LITAF: variants seen among roughly 807,000 people sequenced by gnomAD.
The protein encoded by LITAF is lipopolysaccharide induced TNF factor.
Under a neutral mutation model 14.5 loss-of-function variants are expected in LITAF, and 9 were observed. The observed-to-expected ratio is 0.62, with a 90% CI of 0.37 to 1.08. The LOEUF is 1.08. Ranked by LOEUF, LITAF falls within the 50% of genes least tolerant of loss-of-function variation. LITAF has a pLI of 0.01. For missense variants in LITAF, 206 were observed against 213.4 expected (o/e 0.97, Z 0.22); for synonymous variants, 98 against 88.2 (o/e 1.11, Z -0.62).
rs370026961 is a variant in LITAF at position 11,553,360 on chromosome 16, G to A, written c.377+173C>T. 161 of 684,058 alleles carry A rather than the reference G, an allele frequency of 2.4e-4. No homozygotes were observed. Among genetic ancestry groups the A allele is most frequent in the African/African-American group, 2.3e-3 (127 of 56,306 alleles). The allele number at this position is 684,058 out of a possible 1,614,324, so 42.4% of individuals were successfully genotyped here. ...TGAGCAGTGGGGGTTACAGTGAGCC[G>A]AGATCGCCCCACTGTACTCCAGCCT... On this transcript the variant is annotated intron_variant, in intron 3 of 3. Coordinates refer to ENST00000622633, the MANE Select transcript of LITAF (RefSeq NM_001136472.2). The surrounding 1 kb of genome is among the most constrained non-coding windows in gnomAD (Gnocchi z 7.7).
At chr16:11,584,981 G>T (rs542534135) in intron 1 of LITAF, among the ~76,000 whole-genome samples, 1 of 152,192 alleles carries the variant, frequency 6.6e-6, no homozygotes, top group South Asian at 2.1e-4. Context: ...GCCAAGGCAG[G>T]TGGATCACTA....
chr16:11,563,156 T>C (rs1342924099), intron 1 of LITAF, among the ~76,000 whole-genome samples: 1 of 61,684 alleles, frequency 1.6e-5, no homozygotes, highest in Non-Finnish European at 3.8e-5. Flanking sequence ...ATAATAATAA[T>C]TTTTTTTTTT....
Position 11,579,320 on chromosome 16 carries a change from G to A in LITAF, c.-6+7566C>T, listed in dbSNP as rs575927213. On this transcript the variant is annotated intron_variant, in intron 1 of 3. Coordinates refer to ENST00000622633, the MANE Select transcript of LITAF (RefSeq NM_001136472.2). ...CAAAAAATTAGCCGGGCGCGGTGGCGGGCGCCTGTAGTCCCAGCTACTCGG... is the reference window on the plus strand; with the variant it reads ...CAAAAAATTAGCCGGGCGCGGTGGCAGGCGCCTGTAGTCCCAGCTACTCGG... Among the ~76,000 whole-genome samples, 515 of 151,336 alleles carry A rather than the reference G, an allele frequency of 3.4e-3. 2 individuals carry two copies. The highest frequency in any genetic ancestry group is 0.01 in the African/African-American group (413 of 41,244).
intron 3 of LITAF, among the ~76,000 whole-genome samples, chr16:11,618,850 G>A (rs2065032755): frequency 6.6e-6 from 1 of 152,032 alleles, no homozygotes; most frequent in Non-Finnish European, 1.5e-5. Flanking sequence ...GGGCGTGGTG[G>A]TGGGTGCCTG....
Position 11,548,742 on chromosome 16 carries a change from A to C in LITAF, c.*895T>G, listed in dbSNP as rs1180674584. ...TGCAATCCCAGCACTTCGGGAGGCC[A>C]AGGCAGAAGGATCGCTTGAGCCCAG... On this transcript the variant is annotated 3_prime_UTR_variant, in exon 4 of 4. Transcript: ENST00000622633. 3 of 453,530 alleles carry C rather than the reference A, an allele frequency of 6.6e-6. No homozygotes were observed. The highest frequency in any genetic ancestry group is 2.0e-5 in the African/African-American group (1 of 49,984). The allele number at this position is 453,530 out of a possible 1,614,324, so 28.1% of individuals were successfully genotyped here.
chr16:11,578,957 G>A (rs1313001454), intron 1 of LITAF, among the ~76,000 whole-genome samples: 2 of 152,238 alleles, frequency 1.3e-5, no homozygotes. Flanking sequence ...GGGAGGCCGA[G>A]GCGGGTGGGT....
intron 3 of LITAF, among the ~76,000 whole-genome samples, chr16:11,619,839 T>C (rs980204971): frequency 2.6e-5 from 4 of 151,828 alleles, no homozygotes; most frequent in Admixed American, 1.3e-4. Context: ...TCTGATATAG[T>C]TTGAATATTT....
intron 1 of LITAF, among the ~76,000 whole-genome samples, chr16:11,593,990 A>G (rs755414406): frequency 1.3e-5 from 2 of 152,102 alleles, no homozygotes; most frequent in Non-Finnish European, 2.9e-5. Flanking sequence ...CAGCCTGGGT[A>G]CCATGGTGAA....
intron 3 of LITAF, among the ~76,000 whole-genome samples, chr16:11,621,330 C>G (rs1426814164): frequency 3.3e-5 from 5 of 152,190 alleles, no homozygotes; most frequent in African/African-American, 1.2e-4. Flanking sequence ...TCCCAAAGTG[C>G]TGGGATTATA....
In LITAF at chr16:11,586,589, G is replaced by T. The variant is rs548959375; in HGVS notation, c.-6+297C>A. Among the ~76,000 whole-genome samples, 7 of 151,850 alleles carry T rather than the reference G, an allele frequency of 4.6e-5. No homozygotes were observed. Among genetic ancestry groups the T allele is most frequent in the African/African-American group, 1.4e-4 (6 of 41,498 alleles). On this transcript the variant is annotated intron_variant, in intron 1 of 3. Transcript: ENST00000622633. This position sits in a 1 kb window ranked among gnomAD's most constrained non-coding sequence, Gnocchi z 6.5. The stretch of plus-strand genomic sequence containing the variant: ...ACGCGGCGGGCCGCGAAGGGCGCTC[G>T]TTCGGGTGGGGGCCGGACGACCCCG...
At chr16:11,599,395 G>A (rs574842938), upstream of LITAF, among the ~76,000 whole-genome samples, 9 of 152,244 alleles carry the variant, frequency 5.9e-5, no homozygotes, top group African/African-American at 2.2e-4. Flanking sequence ...TAGGATTATA[G>A]GTATGAGTCT....
At chr16:11,598,560 G>A (rs1032249091), upstream of LITAF, 49 of 152,222 alleles carry the variant, frequency 3.2e-4, no homozygotes, top group African/African-American at 1.1e-3. Flanking sequence ...GAAGCCACAG[G>A]TTGCTCAACC....
At chr16:11,591,686 G>C (rs1056310367), upstream of LITAF, among the ~76,000 whole-genome samples, 6 of 152,228 alleles carry the variant, frequency 3.9e-5, no homozygotes, top group Admixed American at 3.3e-4. Context: ...CGTCACCCAG[G>C]TTGGAGCGCA....
At chr16:11,613,212 G>C (rs2064993657) in intron 3 of LITAF, among the ~76,000 whole-genome samples, 1 of 152,034 alleles carries the variant, frequency 6.6e-6, no homozygotes, top group Non-Finnish European at 1.5e-5. Context: ...GCTAGTTTTT[G>C]TATTTTTAGT....
upstream of LITAF, among the ~76,000 whole-genome samples, chr16:11,599,537 T>G (rs2064914644): frequency 6.6e-6 from 1 of 152,156 alleles, no homozygotes; most frequent in Admixed American, 6.6e-5. Flanking sequence ...TTTGATCTGT[T>G]TGCTGTAGCC....
chr16:11,572,303 T>A (rs2064555948), intron 1 of LITAF, among the ~76,000 whole-genome samples: 1 of 151,244 alleles, frequency 6.6e-6, no homozygotes. Flanking sequence ...CTCAAACGCA[T>A]CAAGCTGACC....
intron 1 of LITAF, among the ~76,000 whole-genome samples, chr16:11,578,466 G>A (rs1048617330): frequency 6.6e-6 from 1 of 152,180 alleles, no homozygotes; most frequent in African/African-American, 2.4e-5. Flanking sequence ...AGGAGGCAGA[G>A]GTTGCAGCGA....
chr16:11,639,009 G>T (rs967042733), upstream of LITAF, among the ~76,000 whole-genome samples: 1 of 152,106 alleles, frequency 6.6e-6, no homozygotes, highest in Non-Finnish European at 1.5e-5. Context: ...CATCCAAAAA[G>T]TAAGATGTGT....
chr16:11,587,307 T>TC (rs1367326066), upstream of LITAF: 1 of 412,472 alleles, frequency 2.4e-6, no homozygotes, highest in African/African-American at 2.1e-5. Flanking sequence ...CCCGCGCCGC[T>TC]CCACCACTTC....
Sources: allele counts gnomAD v4.1 joint callset (sites outside exome capture counted in the v4.1 genomes callset), GRCh38; gene constraint gnomAD v4.1.1; non-coding constraint Gnocchi (gnomAD v3.1); transcripts MANE v1.5; gene names NCBI Gene and HGNC (gene_info 2026-07-23, HGNC 2026-07-21).